EXOC4: variants seen among roughly 807,000 people sequenced by gnomAD.
The protein encoded by EXOC4 is SEC8-like 1.
In EXOC4, 71 loss-of-function variants were observed where a neutral mutation model predicts 107.2. That is an observed-to-expected ratio of 0.66 (90% CI 0.55 to 0.81). The LOEUF (loss-of-function observed/expected upper bound fraction) is 0.81. Ranked by LOEUF, EXOC4 falls within the 30% of genes least tolerant of loss-of-function variation. EXOC4 has a pLI of 0.00. For synonymous variants in EXOC4, 456 were observed against 441.2 expected (o/e 1.03, Z -0.42); for missense variants, 1,108 against 1,189.6 (o/e 0.93, Z 1.01).
chr7:133,827,614 T>G (rs1303001274), intron 11 of EXOC4, among the ~76,000 whole-genome samples: 1 of 152,240 alleles, frequency 6.6e-6, no homozygotes, highest in Non-Finnish European at 1.5e-5. Flanking sequence ...CTTAATGATC[T>G]CAGCATTTTT....
intron 10 of EXOC4, among the ~76,000 whole-genome samples, chr7:133,815,335 A>G (rs915123111): frequency 2.7e-5 from 4 of 150,306 alleles, no homozygotes; most frequent in Non-Finnish European, 5.9e-5. Context: ...AGATCGTACC[A>G]CTGTACTCCA....
intron 11 of EXOC4, among the ~76,000 whole-genome samples, chr7:133,851,215 G>C (rs1169769711): frequency 2.0e-5 from 3 of 152,196 alleles, no homozygotes; most frequent in African/African-American, 7.2e-5. Context: ...GGAGCTTCTA[G>C]TCTTGTAGTG....
intron 9 of EXOC4, chr7:133,484,237 C>G: frequency 7.1e-7 from 1 of 1,406,950 alleles, no homozygotes; most frequent in South Asian, 1.4e-5. Flanking sequence ...TCAATAGGCT[C>G]TAACTGTTAT....
chr7:133,714,650 T>C (rs1794963544), intron 10 of EXOC4, among the ~76,000 whole-genome samples: 1 of 152,254 alleles, frequency 6.6e-6, no homozygotes, highest in East Asian at 1.9e-4. Flanking sequence ...CACAACTGTT[T>C]ACATAGTGTT....
chr7:133,329,848 G>A (rs901671287), intron 5 of EXOC4, among the ~76,000 whole-genome samples: 11 of 152,180 alleles, frequency 7.2e-5, no homozygotes, highest in African/African-American at 2.7e-4. Context: ...TCTCCTTTAT[G>A]AGGTGTCTGT....
intron 8 of EXOC4, 52 bp from the exon 9 acceptor site, chr7:133,479,998 G>A: frequency 6.5e-6 from 9 of 1,394,898 alleles, no homozygotes; most frequent in African/African-American, 2.8e-5. Context: ...GAGCTGGTCA[G>A]CACTTAATTG....
chr7:134,044,469 A>G (rs2116545053), intron 17 of EXOC4, among the ~76,000 whole-genome samples: 1 of 152,336 alleles, frequency 6.6e-6, no homozygotes. Flanking sequence ...CTGTTTGAAC[A>G]GTGTCTACTT....
At chr7:133,569,296 G>A (rs916342984) in intron 9 of EXOC4, among the ~76,000 whole-genome samples, 2 of 152,116 alleles carry the variant, frequency 1.3e-5, no homozygotes, top group African/African-American at 2.4e-5. Flanking sequence ...GCCAATAAAA[G>A]CAAGTAAGAA....
At chr7:133,512,687 G>A (rs1717684343) in intron 9 of EXOC4, among the ~76,000 whole-genome samples, 1 of 152,162 alleles carries the variant, frequency 6.6e-6, no homozygotes, top group Non-Finnish European at 1.5e-5. Flanking sequence ...AAAACAAACT[G>A]GAGAGTTAAC....
chr7:133,908,344 A>C (rs1254934406), intron 12 of EXOC4, among the ~76,000 whole-genome samples: 7 of 152,286 alleles, frequency 4.6e-5, no homozygotes. Flanking sequence ...GAAAGTTAAT[A>C]ACGTGGCAAA....
intron 10 of EXOC4, among the ~76,000 whole-genome samples, chr7:133,652,785 C>CTCATCA (rs1466553503): frequency 1.3e-5 from 2 of 152,278 alleles, no homozygotes; most frequent in African/African-American, 4.8e-5. Flanking sequence ...ATTCCAAACT[C>CTCATCA]TCATCATCAT....
At chr7:134,024,071 T>C (rs1407698839) in intron 17 of EXOC4, among the ~76,000 whole-genome samples, 1 of 152,150 alleles carries the variant, frequency 6.6e-6, no homozygotes, top group Non-Finnish European at 1.5e-5. Flanking sequence ...GTCCACCAAG[T>C]ACAAACCTCA....
intron 7 of EXOC4, among the ~76,000 whole-genome samples, chr7:133,416,581 A>G (rs1784572204): frequency 6.6e-6 from 1 of 152,164 alleles, no homozygotes; most frequent in Admixed American, 6.6e-5. Context: ...GTATGTGGGA[A>G]AGCTGTGAAA....
rs190722817 is a variant in EXOC4, at chr7:133,549,665, T to A, written c.1417+69527T>A. Among the ~76,000 whole-genome samples, 211 of 152,248 alleles carry A rather than the reference T, an allele frequency of 1.4e-3. 1 individual carries two copies. The highest frequency in any genetic ancestry group is 4.8e-3 in the African/African-American group (198 of 41,542). On this transcript the variant is annotated intron_variant, in intron 9 of 17. Transcript: ENST00000253861. ...GTTGGAAAAATGGCACCTATAAACG[T>A]TCTGGGTACAGGGTTGCCACAAACC... is the stretch of plus-strand genomic sequence containing the variant.
chr7:133,491,258 T>A (rs2150874783), intron 9 of EXOC4, among the ~76,000 whole-genome samples: 1 of 152,354 alleles, frequency 6.6e-6, no homozygotes, highest in East Asian at 1.9e-4. Context: ...TTCCTAGAAT[T>A]GTGATGACAT....
Position 133,374,867 on chromosome 7 carries a change from T to G in EXOC4, c.1047T>G (p.Phe349Leu). The G allele has an allele frequency of 1.2e-6, 2 of 1,613,980 alleles. No homozygotes were observed. Among genetic ancestry groups the G allele is most frequent in the Non-Finnish European group, 1.7e-6 (2 of 1,179,872 alleles). Reference sequence around the variant, plus strand: ...TGCTGGAGTTACTGTTTGACAAGTTTAATGCTGTAGCCGCTGCACACTCTG... The same window carrying G: ...TGCTGGAGTTACTGTTTGACAAGTTGAATGCTGTAGCCGCTGCACACTCTG... Reference protein sequence around the residue: ...LELLELLFDKFNAVAAAHSVV... With the variant: ...LELLELLFDKLNAVAAAHSVV... The change falls in exon 7 of 18, where the codon TTT becomes TTG. Residue 349 changes from phenylalanine to leucine, a missense_variant. By Grantham distance (22) the Phe-to-Leu change is conservative. Transcript: ENST00000253861.
chr7:133,769,700 T>G (rs1014339645), intron 10 of EXOC4, among the ~76,000 whole-genome samples: 1 of 151,948 alleles, frequency 6.6e-6, no homozygotes, highest in Non-Finnish European at 1.5e-5. Context: ...ATGTCAATCT[T>G]GTTTCCTAGA....
chr7:133,757,799 C>T (rs1328783406), intron 10 of EXOC4, among the ~76,000 whole-genome samples: 1 of 152,180 alleles, frequency 6.6e-6, no homozygotes, highest in Non-Finnish European at 1.5e-5. Flanking sequence ...CTCATTTAAT[C>T]CCCTTAACAC....
intron 15 of EXOC4, among the ~76,000 whole-genome samples, chr7:134,000,873 G>A (rs1563086601): frequency 6.6e-6 from 1 of 152,142 alleles, no homozygotes; most frequent in Non-Finnish European, 1.5e-5. Flanking sequence ...AAAAAGTCCA[G>A]AACAACTTCA....
Sources: gnomAD v4.1 joint callset for allele counts (sites outside exome capture counted in the v4.1 genomes callset) on GRCh38, gnomAD v4.1.1 for gene constraint, MANE v1.5 for transcripts, NCBI Gene and HGNC (gene_info 2026-07-23, HGNC 2026-07-21) for gene names.